The following PTGES2 variants were observed in gnomAD, a reference collection of about 807,000 sequenced individuals.
The protein encoded by PTGES2 is prostaglandin E synthase 2, also known as GATE-binding factor 1.
Under a neutral mutation model 44.5 loss-of-function variants are expected in PTGES2, and 35 were observed. The ratio of observed to expected loss-of-function variants is 0.79; its 90% CI spans 0.60 to 1.04. PTGES2 has a LOEUF of 1.04. PTGES2 is among the 50% of genes least tolerant of loss of function. PTGES2 has a pLI of 0.00. For missense variants in PTGES2, 517 were observed against 521.4 expected, an observed-to-expected ratio of 0.99 and a Z score of 0.08; for synonymous variants, 221 against 227.5, an observed-to-expected ratio of 0.97 and a Z score of 0.26.
upstream of PTGES2, chr9:128,127,911 C>G (rs2130860505): frequency 2.1e-6 from 1 of 475,506 alleles, no homozygotes; most frequent in Non-Finnish European, 3.4e-6. Context: ...GCCGCAGAGG[C>G]CCGCTCGGGA....
In PTGES2 at chr9:128,127,601, C is replaced by T. The variant is rs1262084407; in HGVS notation, c.117G>A (p.Ala39=). The change falls in exon 1 of 7, where the codon GCG becomes GCA. Residue 39 remains alanine (A), a synonymous_variant. Transcript: ENST00000338961. The part of the protein sequence containing the change: ...LLPTQSRAGF[A]GAAGGPSPVA... ...CGGGGCTCGGGCCGCCCGCCGCCCC[C>T]GCGAAGCCAGCCCGGCTCTGCGTGG... The T allele has an allele frequency of 7.9e-7, 1 of 1,270,752 alleles. No individual in the cohort carries two copies. The highest frequency in any genetic ancestry group is 9.9e-7 in the Non-Finnish European group (1 of 1,009,568). The allele number at this position is 1,270,752 out of a possible 1,614,324, so 78.7% of individuals were successfully genotyped here.
chr9:128,128,222 A>T (rs891963775), upstream of PTGES2: 5 of 438,228 alleles, frequency 1.1e-5, no homozygotes, highest in Non-Finnish European at 1.8e-5. Flanking sequence ...TCCTACTGTG[A>T]CCCGAACCAT....
chr9:128,127,844 T>C, upstream of PTGES2: 1 of 960,860 alleles, frequency 1.0e-6, no homozygotes, highest in Non-Finnish European at 1.3e-6. Flanking sequence ...AAGGGAACCC[T>C]CAGCGCTCTC....
chr9:128,124,662 C>A, intron 2 of PTGES2, 112 bp from the exon 3 acceptor site: 1 of 1,310,740 alleles, frequency 7.6e-7, no homozygotes, highest in Non-Finnish European at 1.1e-6. Flanking sequence ...TGGGGACATG[C>A]CCGGAGTCCT....
intron 6 of PTGES2, among the ~76,000 whole-genome samples, chr9:128,121,609 A>G (rs1178616712): frequency 6.6e-6 from 1 of 152,160 alleles, no homozygotes; most frequent in African/African-American, 2.4e-5. Context: ...CAGGGGCAGG[A>G]CAGTTTTAAA....
intron 2 of PTGES2, 127 bp from the exon 3 acceptor site, chr9:128,124,677 G>A (rs576478543): frequency 5.2e-5 from 67 of 1,279,904 alleles, no homozygotes; most frequent in South Asian, 2.3e-4. Flanking sequence ...AGTCCTCCCC[G>A]CCCTGCCCTC....
upstream of PTGES2, chr9:128,128,013 C>T (rs934755312): frequency 1.5e-5 from 6 of 412,848 alleles, no homozygotes; most frequent in African/African-American, 8.4e-5. Flanking sequence ...CTCGCCCCAC[C>T]TTGACCGCCT....
At position 128,121,370 on chromosome 9, in the gene PTGES2, C is replaced by T. The variant is rs1834405169; in HGVS notation, c.1006-97G>A. The T allele has an allele frequency of 3.4e-6, 5 of 1,456,906 alleles. No homozygotes were observed. In the South Asian group the frequency reaches 5.4e-5, roughly 16 times the overall value. 90.2% of individuals were successfully genotyped at this position (1,456,906 alleles called of 1,614,324 possible). A position where few individuals can be genotyped will look rare whatever the true frequency, so the allele number is the denominator to read the frequency against. ...GCTGTGTGGCCAGGTCCCGTCCCCT[C>T]CCCCCTTGGAGCTCGTGACCCACTC... On this transcript the variant is annotated intron_variant, in intron 6 of 6. Transcript: ENST00000338961.
At position 128,122,956 on chromosome 9, in the gene PTGES2, TGAG is replaced by T; in HGVS notation, c.862_864del (p.Leu288del). Reference sequence around the variant, plus strand: ...TGCCTGCTCTTGAGTCGCTTGCTGATGAGGTACATGGCCGCTGCACCCATGTAC... The same window carrying T: ...TGCCTGCTCTTGAGTCGCTTGCTGATGTACATGGCCGCTGCACCCATGTAC... On this transcript the variant is annotated inframe_deletion, in exon 5 of 7. Transcript: ENST00000338961. 2 of 1,614,028 alleles carry T rather than the reference TGAG, an allele frequency of 1.2e-6. No individual in the cohort carries two copies. Among genetic ancestry groups the T allele is most frequent in the Middle Eastern group, 1.6e-4 (1 of 6,062 alleles).
In PTGES2 at chr9:128,124,865, G is replaced by T. The variant is rs1482170779; in HGVS notation, c.478-315C>A. On this transcript the variant is annotated intron_variant, in intron 2 of 6. Transcript: ENST00000338961. ...GCACTGTGCCAGGCATTTCATATCTGCCGTCCCTGCAAGCCAGAATATGGT... is the reference window on the plus strand; with the variant it reads ...GCACTGTGCCAGGCATTTCATATCTTCCGTCCCTGCAAGCCAGAATATGGT... 2.4e-6 allele frequency: 3 copies of T among 1,245,688 alleles called. No individual in the cohort carries two copies. In the Admixed American group the frequency reaches 1.1e-4, roughly 46 times the overall value. 77.2% of individuals were successfully genotyped at this position (1,245,688 alleles called of 1,614,324 possible). A position where few individuals can be genotyped will look rare whatever the true frequency, so the allele number is the denominator to read the frequency against.
rs1435117286 is a variant in PTGES2, at chr9:128,122,986, T to C, written c.835A>G (p.Lys279Glu). 1.2e-6 allele frequency: 2 copies of C among 1,614,042 alleles called. No individual in the cohort carries two copies. Among genetic ancestry groups the C allele is most frequent in the East Asian group, 2.2e-5 (1 of 44,878 alleles). ...TACATGGCCGCTGCACCCATGTACT[T>C]GGCCACGGCACCCTCCACGGCTCCG... is the stretch of plus-strand genomic sequence containing the variant. ...KFGAVEGAVA[K>E]YMGAAAMYLI... Residue 279 changes from lysine (K) to glutamate (E), a missense_variant, in exon 5 of 7, where the codon AAG becomes GAG. Transcript: ENST00000338961.
At chr9:128,124,770 C>A in intron 2 of PTGES2, 1 of 1,328,278 alleles carries the variant, frequency 7.5e-7, no homozygotes, top group Non-Finnish European at 9.7e-7. Flanking sequence ...TAAGCCCCAG[C>A]CCACTCACCC....
At chr9:128,121,724 C>G (rs1393923967) in intron 6 of PTGES2, among the ~76,000 whole-genome samples, 1 of 152,102 alleles carries the variant, frequency 6.6e-6, no homozygotes, top group Non-Finnish European at 1.5e-5. Flanking sequence ...ACCAGCCTGA[C>G]CAACATACTG....
At chr9:128,128,387 A>C (rs973198625), upstream of PTGES2, 2 of 455,590 alleles carry the variant, frequency 4.4e-6, no homozygotes, top group Admixed American at 4.7e-5. Context: ...CCCCCGCCCT[A>C]GCTGAAGCCC....
chr9:128,123,981 G>A lies in PTGES2; in HGVS notation c.537-130C>T. 9.6e-7 allele frequency: 1 copy of A among 1,044,822 alleles called. No homozygotes were observed. The highest frequency in any genetic ancestry group is 1.4e-6 in the Non-Finnish European group (1 of 725,328). The allele number at this position is 1,044,822 out of a possible 1,614,324, so 64.7% of individuals were successfully genotyped here. A position where few individuals can be genotyped will look rare whatever the true frequency, so the allele number is the denominator to read the frequency against. On this transcript the variant is annotated intron_variant, in intron 3 of 6. Transcript: ENST00000338961. The surrounding 1 kb of genome is among the most constrained non-coding windows in gnomAD (Gnocchi z 4.4). ...GCTCTCCGGACTCTTGCAGTAAGAG[G>A]GATTTGGAGTAGATGCCAGGGCTAC...
chr9:128,127,663 C>G lies in PTGES2; in HGVS notation c.55G>C (p.Ala19Pro), dbSNP rs1834683738. The change falls in exon 1 of 7, where the codon GCC (alanine) becomes CCC (proline). Residue 19 changes from alanine (A) to proline (P), a missense_variant. By Grantham distance (27) the Ala-to-Pro change is conservative. Transcript: ENST00000338961. Reference sequence around the variant, plus strand: ...TGGGGGCGGCCTCCCAGCCTCCAGGCCAAGGCGCACCCACCAGGCCACAGC... The same window carrying G: ...TGGGGGCGGCCTCCCAGCCTCCAGGGCAAGGCGCACCCACCAGGCCACAGC... The part of the protein sequence containing the change: ...RALWPGGCAL[A>P]WRLGGRPQPL... 7.7e-7 allele frequency: 1 copy of G among 1,298,766 alleles called. No homozygotes were observed. Among genetic ancestry groups the G allele is most frequent in the Non-Finnish European group, 9.8e-7 (1 of 1,023,530 alleles). The allele number at this position is 1,298,766 out of a possible 1,614,324, so 80.5% of individuals were successfully genotyped here.
chr9:128,127,044 T>G (rs1420139980), intron 1 of PTGES2, among the ~76,000 whole-genome samples: 1 of 149,976 alleles, frequency 6.7e-6, no homozygotes, highest in African/African-American at 2.5e-5. Flanking sequence ...CAGGGCGCAG[T>G]GGGGTGAGCC....
At chr9:128,128,359 C>G (rs553677074), upstream of PTGES2, 2 of 456,256 alleles carry the variant, frequency 4.4e-6, no homozygotes, top group African/African-American at 4.0e-5. Flanking sequence ...CCAGGCTGCT[C>G]GGTCCTTCTG....
upstream of PTGES2, chr9:128,128,394 G>T (rs1369684552): frequency 4.4e-6 from 2 of 455,632 alleles, no homozygotes; most frequent in Non-Finnish European, 8.8e-6. Context: ...CCTAGCTGAA[G>T]CCCGGAGCCT....
Sources: gnomAD v4.1 joint callset for allele counts (sites outside exome capture counted in the v4.1 genomes callset) on GRCh38, gnomAD v4.1.1 for gene constraint, Gnocchi (gnomAD v3.1) non-coding constraint, MANE v1.5 for transcripts, NCBI Gene and HGNC (gene_info 2026-07-23, HGNC 2026-07-21) for gene names.